Variants in NUP210 observed in about 807,000 individuals in gnomAD.
The protein encoded by NUP210 is nuclear pore membrane glycoprotein 210.
In NUP210, 151 loss-of-function variants were observed where a neutral mutation model predicts 196.0. The ratio of observed to expected loss-of-function variants is 0.77; its 90% confidence interval spans 0.67 to 0.88. The LOEUF is 0.88. NUP210 is among the 40% of genes least tolerant of loss of function. The pLI is 0.00. For missense variants in NUP210, 2,314 were observed against 2,493.7 expected (o/e 0.93, Z 1.53); for synonymous variants, 1,070 against 1,052.7 (o/e 1.02, Z -0.32).
intron 8 of NUP210, among the ~76,000 whole-genome samples, chr3:13,378,167 C>T (rs1478380272): frequency 6.6e-6 from 1 of 152,044 alleles, no homozygotes; most frequent in Non-Finnish European, 1.5e-5. Flanking sequence ...CAGGCCTACG[C>T]TCTGAACCCT....
intron 1 of NUP210, among the ~76,000 whole-genome samples, chr3:13,412,405 T>TA (rs1014275872): frequency 3.3e-5 from 5 of 151,594 alleles, no homozygotes; most frequent in African/African-American, 1.2e-4. Context: ...TCTTCTTTAC[T>TA]AAAAAATTAC....
chr3:13,386,005 A>G (rs1699259774), intron 6 of NUP210, among the ~76,000 whole-genome samples: 1 of 152,234 alleles, frequency 6.6e-6, no homozygotes, highest in African/African-American at 2.4e-5. Flanking sequence ...AGTCACATTC[A>G]CAGAGACAGG....
chr3:13,335,659 G>A (rs199804160), intron 27 of NUP210, 47 bp from the exon 28 acceptor site: 13 of 1,598,358 alleles, frequency 8.1e-6, no homozygotes, highest in Admixed American at 6.7e-5. Context: ...CCAGGCCCCT[G>A]TGTCCTCAAA....
At chr3:13,380,404 T>C (rs1434001016) in intron 6 of NUP210, among the ~76,000 whole-genome samples, 1 of 152,204 alleles carries the variant, frequency 6.6e-6, no homozygotes, top group African/African-American at 2.4e-5. Flanking sequence ...TGTCTCATGA[T>C]CACGTTCCCT....
chr3:13,380,959 G>A (rs1294105378), intron 6 of NUP210, among the ~76,000 whole-genome samples: 1 of 152,202 alleles, frequency 6.6e-6, no homozygotes, highest in Non-Finnish European at 1.5e-5. Context: ...TGCAAATGAT[G>A]GGCCCCATCC....
At chr3:13,357,441 C>T (rs1042392854) in intron 16 of NUP210, among the ~76,000 whole-genome samples, 1 of 152,208 alleles carries the variant, frequency 6.6e-6, no homozygotes, top group African/African-American at 2.4e-5. Context: ...CTCTGGGAGG[C>T]AGGTTCCTTG....
chr3:13,374,997 G>A (rs1698849137), intron 11 of NUP210, among the ~76,000 whole-genome samples: 4 of 152,194 alleles, frequency 2.6e-5, no homozygotes, highest in Admixed American at 2.6e-4. Flanking sequence ...CATGTGATGA[G>A]GTTGGAGATA....
At chr3:13,384,407 C>T (rs1348910055) in intron 6 of NUP210, among the ~76,000 whole-genome samples, 1 of 152,170 alleles carries the variant, frequency 6.6e-6, no homozygotes, top group African/African-American at 2.4e-5. Flanking sequence ...CAGTTTTCCT[C>T]ATGTATGAAA....
At chr3:13,338,810 C>T (rs1187240040) in intron 25 of NUP210, among the ~76,000 whole-genome samples, 1 of 152,168 alleles carries the variant, frequency 6.6e-6, no homozygotes, top group East Asian at 1.9e-4. Context: ...GGGCCTTTCC[C>T]CAGCACCTCC....
At chr3:13,318,555 C>T (rs1318268486) in intron 39 of NUP210, among the ~76,000 whole-genome samples, 7 of 152,194 alleles carry the variant, frequency 4.6e-5, no homozygotes, top group African/African-American at 1.7e-4. Context: ...TACAGCAGTA[C>T]AGGCTGGGCA....
chr3:13,358,341 C>A lies in NUP210; in HGVS notation c.2209G>T (p.Val737Leu), dbSNP rs1450120391. The change falls in exon 16 of 40, where the codon GTG becomes TTG. Residue 737 changes from valine to leucine, a missense_variant. By Grantham distance (32) the Val-to-Leu change is conservative. Coordinates refer to ENST00000254508, the MANE Select transcript of NUP210 (RefSeq NM_024923.4). ...KPSLTNPFPA[V>L]EPAVVKFVCA... ...ACGAACTTCACCACGGCAGGCTCCA[C>A]CGCAGGAAAGGGGTTGGTGAGGCTG... is the stretch of plus-strand genomic sequence containing the variant. 6.8e-6 allele frequency: 11 copies of A among 1,613,850 alleles called. No homozygotes were observed. The highest frequency in any genetic ancestry group is 6.6e-5 in the South Asian group (6 of 91,070).
rs367936655 is a variant in NUP210, at chr3:13,404,819, T to A, written c.168-4958A>T. ...GGCTGGGAATGAAAGAGCTGGCCAG[T>A]CATGTGCAAGTCGGGAATGTTTCTG... On this transcript the variant is annotated intron_variant, in intron 1 of 39. Coordinates refer to ENST00000254508, the MANE Select transcript of NUP210 (RefSeq NM_024923.4). Among the ~76,000 whole-genome samples the A allele has an allele frequency of 2.8e-4, 43 of 152,320 alleles. 4 individuals are homozygous for A. The highest frequency in any genetic ancestry group is 2.5e-3 in the South Asian group (12 of 4,826).
Position 13,327,283 on chromosome 3 carries a change from C to G in NUP210, c.4441G>C (p.Glu1481Gln), listed in dbSNP as rs1238993880. Residue 1481 changes from glutamate to glutamine, a missense_variant, in exon 32 of 40, where the codon GAG becomes CAG. Transcript: ENST00000254508. ...CCCACCACCATGGCCCCAGACAGCT[C>G]TGGGGAGATGGCCTGTAGGACAGGC... ...PLPVLQAISPELSGAMVVGDV... is the reference protein window; with the variant it reads ...PLPVLQAISPQLSGAMVVGDV... 1 of 1,613,480 alleles carries G rather than the reference C, an allele frequency of 6.2e-7. No homozygotes were observed. The highest frequency in any genetic ancestry group is 1.7e-5 in the Admixed American group (1 of 60,024).
In NUP210 at chr3:13,379,187, ATC is replaced by A. The variant is rs1488377139; in HGVS notation, c.977-209_977-208del. Among the ~76,000 whole-genome samples the A allele has an allele frequency of 2.0e-5, 3 of 152,212 alleles. No individual in the cohort carries two copies. The highest frequency in any genetic ancestry group is 1.9e-4 in the East Asian group (1 of 5,202). ...GCGCTTGCCACACTAGCAAAGGGGA[ATC>A]TCTGTGAGGGACACTGGAGACCGCA... On this transcript the variant is annotated intron_variant, in intron 7 of 39. Coordinates refer to ENST00000254508, the MANE Select transcript of NUP210 (RefSeq NM_024923.4). This position sits in a 1 kb window ranked among gnomAD's most constrained non-coding sequence, Gnocchi z 4.2.
chr3:13,345,796 G>C (rs1487314486), intron 20 of NUP210, among the ~76,000 whole-genome samples: 1 of 152,128 alleles, frequency 6.6e-6, no homozygotes, highest in African/African-American at 2.4e-5. Context: ...GGTTTTGCTG[G>C]GGCTGATTGA....
Position 13,375,578 on chromosome 3 carries a change from G to A in NUP210, c.1357C>T (p.Pro453Ser). 1 of 1,614,114 alleles carries A rather than the reference G, an allele frequency of 6.2e-7. No homozygotes were observed. Among genetic ancestry groups the A allele is most frequent in the Non-Finnish European group, 8.5e-7 (1 of 1,180,002 alleles). The change falls in exon 11 of 40, where the codon CCG becomes TCG. Residue 453 changes from proline to serine, a missense_variant. Coordinates refer to ENST00000254508, the MANE Select transcript of NUP210 (RefSeq NM_024923.4). Reference protein sequence around the residue: ...WNQQEVEIHIPITLYPSILTF... With the variant: ...WNQQEVEIHISITLYPSILTF... ...AAGATGCTGGGATACAGGGTGATCG[G>A]GATGTGAATTTCCACCTCCTGCTGG...
chr3:13,418,895 G>A (rs1308380414), intron 1 of NUP210, among the ~76,000 whole-genome samples: 1 of 136,818 alleles, frequency 7.3e-6, no homozygotes, highest in Non-Finnish European at 1.5e-5. Context: ...GTTGCAGTGA[G>A]CCGAAATCGC....
chr3:13,341,948 T>A, intron 22 of NUP210, 48 bp downstream of exon 22: 1 of 1,613,616 alleles, frequency 6.2e-7, no homozygotes, highest in Non-Finnish European at 8.5e-7. Context: ...GCAGCTGGGG[T>A]CAGCACTGTC....
rs762019633 is a variant in NUP210, at chr3:13,376,335, C to T, written c.1249G>A (p.Gly417Arg). ...SYHRIRALKR[G>R]QTAIDAALTS... Reference sequence around the variant, plus strand: ...AGGGCCGCGTCAATGGCCGTCTGTCCCCTCTTTAGTGCCCTGATGCGATGG... The same window carrying T: ...AGGGCCGCGTCAATGGCCGTCTGTCTCCTCTTTAGTGCCCTGATGCGATGG... Residue 417 changes from glycine to arginine, a missense_variant, in exon 10 of 40, where the codon GGA becomes AGA. By Grantham distance (125) the Gly-to-Arg change is moderately radical. Coordinates refer to ENST00000254508, the MANE Select transcript of NUP210 (RefSeq NM_024923.4). The T allele has an allele frequency of 9.3e-6, 15 of 1,614,212 alleles. No individual in the cohort carries two copies. Among genetic ancestry groups the T allele is most frequent in the Middle Eastern group, 1.7e-4 (1 of 6,048 alleles).
Sources: gnomAD v4.1 joint callset for allele counts (sites outside exome capture counted in the v4.1 genomes callset) on GRCh38, gnomAD v4.1.1 for gene constraint, Gnocchi (gnomAD v3.1) non-coding constraint, MANE v1.5 for transcripts, NCBI Gene and HGNC (gene_info 2026-07-23, HGNC 2026-07-21) for gene names.